RALGAPA2: variants seen among roughly 807,000 people sequenced by gnomAD.
RALGAPA2 encodes the protein ral GTPase-activating protein subunit alpha-2.
RALGAPA2 carries 139 observed loss-of-function variants against 230.4 expected under a neutral mutation model. That is an observed-to-expected ratio of 0.60 (90% CI 0.53 to 0.69). The LOEUF (loss-of-function observed/expected upper bound fraction) is 0.69, where lower values mean the gene tolerates loss of function less well. Among genes scored for constraint, RALGAPA2 ranks in the 30% least tolerant of loss-of-function variants. RALGAPA2 has a pLI of 0.00. For missense variants in RALGAPA2, 2,163 were observed against 2,276.0 expected, an observed-to-expected ratio of 0.95 and a Z score of 1.01; for synonymous variants, 847 against 837.8, an observed-to-expected ratio of 1.01 and a Z score of -0.19.
Position 20,676,283 on chromosome 20 carries a change from T to C in RALGAPA2, c.223A>G (p.Asn75Asp). ...LENSLKLKGN[N>D]KSQREELDSI... ...TCCAGCTCCTCCCTTTGTGACTTAT[T>C]ATTCCCTGGAATATTAAAAAATAAT... The change falls in exon 3 of 40, where the codon AAT becomes GAT. Residue 75 changes from asparagine to aspartate, a missense_variant. By Grantham distance (23) the Asn-to-Asp change is conservative. Transcript: ENST00000202677. 1 of 1,564,302 alleles carries C rather than the reference T, an allele frequency of 6.4e-7. No homozygotes were observed. Among genetic ancestry groups the C allele is most frequent in the Admixed American group, 1.7e-5 (1 of 58,320 alleles).
At chr20:20,564,619 G>A (rs2064356893) in intron 23 of RALGAPA2, among the ~76,000 whole-genome samples, 1 of 152,192 alleles carries the variant, frequency 6.6e-6, no homozygotes. Flanking sequence ...AAATAAATCA[G>A]AGGATCTAAG....
intron 37 of RALGAPA2, among the ~76,000 whole-genome samples, chr20:20,466,061 C>T (rs1289487457): frequency 6.6e-6 from 1 of 152,186 alleles, no homozygotes; most frequent in Non-Finnish European, 1.5e-5. Context: ...CTCAGAGAGA[C>T]CAAATGGTGG....
intron 34 of RALGAPA2, chr20:20,505,117 T>G: frequency 1.0e-6 from 1 of 985,468 alleles, no homozygotes; most frequent in Non-Finnish European, 1.2e-6. Context: ...TGCCCACATT[T>G]GTCTTCTCTT....
At chr20:20,699,547 T>C (rs1344347053) in intron 1 of RALGAPA2, among the ~76,000 whole-genome samples, 3 of 152,220 alleles carry the variant, frequency 2.0e-5, no homozygotes, top group Non-Finnish European at 4.4e-5. Flanking sequence ...AGAAGCAATG[T>C]ATGTCTTCAG....
At chr20:20,443,387 C>T (rs1190458488) in intron 37 of RALGAPA2, among the ~76,000 whole-genome samples, 2 of 152,170 alleles carry the variant, frequency 1.3e-5, no homozygotes, top group African/African-American at 4.8e-5. Context: ...TCTGACATTG[C>T]ATCATTTTCT....
At chr20:20,478,205 T>C (rs959350363) in intron 36 of RALGAPA2, among the ~76,000 whole-genome samples, 16 of 152,220 alleles carry the variant, frequency 1.1e-4, no homozygotes, top group African/African-American at 3.4e-4. Flanking sequence ...TTTAGCAATA[T>C]GTTAAGCTAA....
intron 24 of RALGAPA2, among the ~76,000 whole-genome samples, chr20:20,542,314 C>A (rs935460804): frequency 3.3e-5 from 5 of 152,130 alleles, no homozygotes; most frequent in South Asian, 2.1e-4. Flanking sequence ...GAATCAATAT[C>A]ATGAAAATGG....
chr20:20,650,548 CT>C (rs929641804), intron 4 of RALGAPA2, among the ~76,000 whole-genome samples: 25 of 152,316 alleles, frequency 1.6e-4, no homozygotes, highest in African/African-American at 5.1e-4. Context: ...CCCCCACCAG[CT>C]GCAGTAACAT....
chr20:20,685,913 AG>A (rs1417944155), intron 1 of RALGAPA2, among the ~76,000 whole-genome samples: 2 of 152,316 alleles, frequency 1.3e-5, no homozygotes, highest in East Asian at 3.9e-4. Flanking sequence ...TACAGAACTC[AG>A]GGAAGCATGT....
intron 5 of RALGAPA2, among the ~76,000 whole-genome samples, chr20:20,642,849 C>T (rs2067087397): frequency 6.6e-6 from 1 of 152,096 alleles, no homozygotes; most frequent in Admixed American, 6.5e-5. Flanking sequence ...TTATTAAAGG[C>T]ATTCGCACAA....
rs373284614 is a variant in RALGAPA2 at position 20,500,635 on chromosome 20, G to C, written c.5208+2716C>G. ...TCTTTTAAAGTCATCCATGAGGGTG[G>C]GACTCTATCCAAACTCCTGTGAATC... On this transcript the variant is annotated intron_variant, in intron 35 of 39. Transcript: ENST00000202677. Among the ~76,000 whole-genome samples, 3 of 152,162 alleles carry C rather than the reference G, an allele frequency of 2.0e-5. No individual in the cohort carries two copies. In the East Asian group the frequency reaches 5.8e-4, roughly 29 times the overall value.
At chr20:20,573,135 A>C (rs1235980047) in intron 20 of RALGAPA2, 67 bp from the exon 21 acceptor site, 2 of 1,314,772 alleles carry the variant, frequency 1.5e-6, no homozygotes, top group East Asian at 5.6e-5. Flanking sequence ...TTTTTCTTTA[A>C]GGCAAATTAC....
At position 20,526,335 on chromosome 20, in the gene RALGAPA2, C is replaced by T. The variant is rs1429674096; in HGVS notation, c.3610G>A (p.Ala1204Thr). 1 of 1,600,880 alleles carries T rather than the reference C, an allele frequency of 6.2e-7. No individual in the cohort carries two copies. Among genetic ancestry groups the T allele is most frequent in the Non-Finnish European group, 8.5e-7 (1 of 1,176,278 alleles). ...KFPNKIVAQV[A>T]CDVLQLLVSY... ...ACCAGCAACTGAAGGACATCGCAAG[C>T]TACCTGGGCCACGATTTTGTTGGGA... The change falls in exon 28 of 40, where the codon GCT (alanine) becomes ACT (threonine). Residue 1204 changes from alanine (A) to threonine (T), a missense_variant. Physicochemically the swap from Ala to Thr is moderately conservative, Grantham distance 58. Coordinates refer to ENST00000202677, the MANE Select transcript of RALGAPA2 (RefSeq NM_020343.4).
At chr20:20,493,177 T>G (rs1021330704) in intron 36 of RALGAPA2, among the ~76,000 whole-genome samples, 1 of 152,030 alleles carries the variant, frequency 6.6e-6, no homozygotes, top group Non-Finnish European at 1.5e-5. Context: ...AAACAGACTT[T>G]CCCTCCGCAA....
intron 1 of RALGAPA2, among the ~76,000 whole-genome samples, chr20:20,695,500 C>T (rs2069076559): frequency 6.6e-6 from 1 of 152,234 alleles, no homozygotes; most frequent in African/African-American, 2.4e-5. Flanking sequence ...CCATATGAGT[C>T]AACCTTTCCT....
rs760483067 is a variant in RALGAPA2 at position 20,623,001 on chromosome 20, T to C, written c.1234-2371A>G. Reference sequence around the variant, plus strand: ...ATGTTAGGAATGCATGTGTTAACTATTAAAGTAACTACAAATGACCGTAAA... The same window carrying C: ...ATGTTAGGAATGCATGTGTTAACTACTAAAGTAACTACAAATGACCGTAAA... On this transcript the variant is annotated intron_variant, in intron 10 of 39. Coordinates refer to ENST00000202677, the MANE Select transcript of RALGAPA2 (RefSeq NM_020343.4). 4.2e-4 allele frequency among the ~76,000 whole-genome samples: 64 copies of C among 152,076 alleles called. 1 individual carries two copies. Among genetic ancestry groups the C allele is most frequent in the Admixed American group, 3.8e-3 (58 of 15,262 alleles).
In RALGAPA2 at chr20:20,395,495, T is replaced by C. The variant is rs571340974; in HGVS notation, c.*35+1200A>G. On this transcript the variant is annotated intron_variant, in intron 39 of 39. Coordinates refer to ENST00000202677, the MANE Select transcript of RALGAPA2 (RefSeq NM_020343.4). ...GGCGGCAGGAGCAGGAGGACATGCA[T>C]GGAGACGGGGGTCTCGGCAAATGCG... is the stretch of plus-strand genomic sequence containing the variant. Among the ~76,000 whole-genome samples the C allele has an allele frequency of 6.6e-5, 10 of 152,336 alleles. No individual in the cohort carries two copies. The South Asian group carries it at 8.3e-4, about 13-fold the overall frequency.
intron 1 of RALGAPA2, among the ~76,000 whole-genome samples, chr20:20,685,206 C>T (rs571942702): frequency 1.3e-5 from 2 of 151,856 alleles, no homozygotes; most frequent in Admixed American, 6.6e-5. Context: ...CATTTACTAG[C>T]CCCTATCCAT....
intron 37 of RALGAPA2, among the ~76,000 whole-genome samples, chr20:20,462,496 CTCTA>C (rs1206683990): frequency 6.6e-6 from 1 of 152,146 alleles, no homozygotes; most frequent in Non-Finnish European, 1.5e-5. Flanking sequence ...CCCCAATGGT[CTCTA>C]TCTAAGGCTT....
Sources: gnomAD v4.1 joint callset for allele counts (sites outside exome capture counted in the v4.1 genomes callset) on GRCh38, gnomAD v4.1.1 for gene constraint, MANE v1.5 for transcripts, NCBI Gene and HGNC (gene_info 2026-07-23, HGNC 2026-07-21) for gene names.